The following EDIL3 variants were observed in gnomAD, a reference collection of about 807,000 sequenced individuals.
EDIL3 encodes the protein EGF-like repeat and discoidin I-like domain-containing protein 3.
EDIL3 carries 37 observed loss-of-function variants against 67.4 expected under a neutral mutation model. That is an observed-to-expected ratio of 0.55 (90% CI 0.42 to 0.72). The LOEUF is 0.72. EDIL3 is among the 30% of genes least tolerant of loss of function. The pLI, the probability that EDIL3 is intolerant of heterozygous loss-of-function variation, is 0.00. For synonymous variants in EDIL3, 195 were observed against 196.3 expected (o/e 0.99, Z 0.05); for missense variants, 527 against 586.3 (o/e 0.90, Z 1.04).
At chr5:84,089,959 T>C (rs1018265587) in intron 6 of EDIL3, among the ~76,000 whole-genome samples, 19 of 152,206 alleles carry the variant, frequency 1.2e-4, no homozygotes, top group Non-Finnish European at 1.5e-5. Flanking sequence ...TATATTCCAG[T>C]TGCACAGAAA....
chr5:84,151,908 C>CTTTTTTTTTTTTTTTTT (rs201636890), intron 4 of EDIL3, among the ~76,000 whole-genome samples: 1 of 141,732 alleles, frequency 7.1e-6, no homozygotes, highest in African/African-American at 2.6e-5. Flanking sequence ...TTTGCTGCTT[C>CTTTTTTTTTTTTTTTTT]TTTTTTTTTT....
intron 4 of EDIL3, among the ~76,000 whole-genome samples, chr5:84,145,366 C>G (rs1295364061): frequency 1.3e-5 from 2 of 152,058 alleles, no homozygotes; most frequent in African/African-American, 4.8e-5. Context: ...TGCACAGGGA[C>G]TGTGCGAGGG....
intron 1 of EDIL3, among the ~76,000 whole-genome samples, chr5:84,367,654 A>G (rs1747767276): frequency 6.6e-6 from 1 of 152,064 alleles, no homozygotes; most frequent in Non-Finnish European, 1.5e-5. Flanking sequence ...ATGGTGGCAC[A>G]TGCCTATAAT....
intron 1 of EDIL3, among the ~76,000 whole-genome samples, chr5:84,287,998 C>T (rs1289735757): frequency 2.0e-5 from 3 of 152,092 alleles, no homozygotes; most frequent in Non-Finnish European, 2.9e-5. Context: ...AACATTTTTG[C>T]TATATCCCCT....
chr5:84,210,460 G>T (rs1473161957), intron 3 of EDIL3, among the ~76,000 whole-genome samples: 1 of 151,832 alleles, frequency 6.6e-6, no homozygotes, highest in Non-Finnish European at 1.5e-5. Flanking sequence ...ATAAAACTAT[G>T]TTAAAATATT....
chr5:84,335,725 T>A (rs903741876), intron 1 of EDIL3, among the ~76,000 whole-genome samples: 1 of 152,052 alleles, frequency 6.6e-6, no homozygotes, highest in Non-Finnish European at 1.5e-5. Flanking sequence ...GAAGAAAAGG[T>A]AGAGGGGTTA....
chr5:84,039,296 A>G (rs372021315), intron 9 of EDIL3, among the ~76,000 whole-genome samples: 64 of 152,250 alleles, frequency 4.2e-4, no homozygotes, highest in African/African-American at 1.5e-3. Flanking sequence ...GTTCCTATAT[A>G]ATAAAGGCTA....
At chr5:84,199,624 T>A (rs184403740) in intron 3 of EDIL3, among the ~76,000 whole-genome samples, 29 of 152,214 alleles carry the variant, frequency 1.9e-4, no homozygotes, top group South Asian at 8.3e-4. Flanking sequence ...TTGTTTCTTT[T>A]ACCCTGGATT....
chr5:83,963,003 T>A (rs1744629698), intron 10 of EDIL3, among the ~76,000 whole-genome samples: 1 of 151,622 alleles, frequency 6.6e-6, no homozygotes. Flanking sequence ...GTAAAGCAAT[T>A]TTTTTCCTCT....
intron 6 of EDIL3, among the ~76,000 whole-genome samples, chr5:84,082,239 C>T (rs972493153): frequency 6.6e-6 from 1 of 152,186 alleles, no homozygotes; most frequent in East Asian, 1.9e-4. Context: ...GTAGTGGTAG[C>T]AAGTGTCCTG....
At chr5:84,072,649 T>G (rs1746760613) in intron 6 of EDIL3, among the ~76,000 whole-genome samples, 1 of 152,198 alleles carries the variant, frequency 6.6e-6, no homozygotes, top group Non-Finnish European at 1.5e-5. Flanking sequence ...AGTAAACTGA[T>G]GTTGGCAAAA....
chr5:84,310,196 A>G (rs1746356207), intron 1 of EDIL3, among the ~76,000 whole-genome samples: 1 of 152,236 alleles, frequency 6.6e-6, no homozygotes, highest in Non-Finnish European at 1.5e-5. Context: ...CTTTTAGAAA[A>G]TACTTTTCAG....
intron 1 of EDIL3, among the ~76,000 whole-genome samples, chr5:84,284,115 T>C (rs1186986604): frequency 1.3e-5 from 2 of 152,200 alleles, no homozygotes; most frequent in African/African-American, 2.4e-5. Flanking sequence ...CTCATTATTA[T>C]TCATTTTCTC....
chr5:84,312,781 T>C (rs1746434524), intron 1 of EDIL3, among the ~76,000 whole-genome samples: 1 of 152,238 alleles, frequency 6.6e-6, no homozygotes, highest in Admixed American at 6.5e-5. Context: ...TTACAATTTT[T>C]GTCAGCTGTA....
intron 1 of EDIL3, among the ~76,000 whole-genome samples, chr5:84,347,602 A>G (rs895909120): frequency 5.3e-5 from 8 of 152,192 alleles, no homozygotes; most frequent in African/African-American, 1.9e-4. Context: ...TTTGGAGAAA[A>G]ATTCTAGTCA....
chr5:84,005,628 T>G (rs1020992903), intron 9 of EDIL3, among the ~76,000 whole-genome samples: 1 of 152,120 alleles, frequency 6.6e-6, no homozygotes, highest in African/African-American at 2.4e-5. Flanking sequence ...TCAGCATCCC[T>G]TCTTGTTAAA....
chr5:84,136,152 T>C (rs72776518), intron 5 of EDIL3, among the ~76,000 whole-genome samples: 11,361 of 152,204 alleles, frequency 0.075, 511 homozygotes, highest in Middle Eastern at 0.14. Context: ...TATCTCAGTC[T>C]TGAGGAAAAT....
intron 1 of EDIL3, among the ~76,000 whole-genome samples, chr5:84,349,010 A>G (rs1747298392): frequency 6.6e-6 from 1 of 152,228 alleles, no homozygotes; most frequent in African/African-American, 2.4e-5. Flanking sequence ...CATAATCCTA[A>G]TGAACATTGC....
At chr5:84,147,107 G>A (rs532000358) in intron 4 of EDIL3, among the ~76,000 whole-genome samples, 20 of 151,656 alleles carry the variant, frequency 1.3e-4, no homozygotes, top group South Asian at 2.1e-4. Context: ...TTATAATTTC[G>A]TCTCCTAAAT....
Sources: allele counts gnomAD v4.1 joint callset (sites outside exome capture counted in the v4.1 genomes callset), GRCh38; gene constraint gnomAD v4.1.1; transcripts MANE v1.5; gene names NCBI Gene and HGNC (gene_info 2026-07-23, HGNC 2026-07-21).